Variants in GALNTL6 observed in about 807,000 individuals in gnomAD.
GALNTL6 encodes polypeptide N-acetylgalactosaminyltransferase-like 6.
In GALNTL6, 46 loss-of-function variants were observed where a neutral mutation model predicts 73.7. The observed-to-expected ratio is 0.62, with a 90% CI of 0.49 to 0.80. The LOEUF (loss-of-function observed/expected upper bound fraction) is 0.80. Ranked by LOEUF, GALNTL6 falls within the 30% of genes least tolerant of loss-of-function variation. GALNTL6 has a pLI of 0.00. For missense variants in GALNTL6, 604 were observed against 755.0 expected, an observed-to-expected ratio of 0.80 and a Z score of 2.34; for synonymous variants, 259 against 263.7, an observed-to-expected ratio of 0.98 and a Z score of 0.17.
At chr4:172,094,659 T>A (rs1453178029) in intron 2 of GALNTL6, among the ~76,000 whole-genome samples, 1 of 152,134 alleles carries the variant, frequency 6.6e-6, no homozygotes. Context: ...TGCTACCCAT[T>A]TGAACCATGG....
intron 2 of GALNTL6, among the ~76,000 whole-genome samples, chr4:172,057,727 A>AATATATATATAT (rs147660032): frequency 2.0e-4 from 9 of 46,152 alleles, no homozygotes; most frequent in South Asian, 9.2e-4. Flanking sequence ...AAAAAAAAAA[A>AATATATATATAT]ATATATATAT....
intron 2 of GALNTL6, among the ~76,000 whole-genome samples, chr4:171,903,958 A>C (rs1737191063): frequency 6.6e-6 from 1 of 152,164 alleles, no homozygotes; most frequent in Non-Finnish European, 1.5e-5. Context: ...GAAAACTAAC[A>C]AACAGAAAGG....
intron 8 of GALNTL6, among the ~76,000 whole-genome samples, chr4:172,902,833 G>C (rs531436569): frequency 6.6e-6 from 1 of 152,242 alleles, no homozygotes; most frequent in Non-Finnish European, 1.5e-5. Flanking sequence ...TCATTCAACA[G>C]ACATCTACTT....
chr4:172,822,388 G>A (rs1283776694), intron 7 of GALNTL6, among the ~76,000 whole-genome samples: 1 of 152,040 alleles, frequency 6.6e-6, no homozygotes, highest in Non-Finnish European at 1.5e-5. Context: ...TTTAAAAGAT[G>A]GTGAGACCTG....
intron 2 of GALNTL6, among the ~76,000 whole-genome samples, chr4:171,907,381 A>G (rs1737323730): frequency 6.6e-6 from 1 of 152,050 alleles, no homozygotes; most frequent in South Asian, 2.1e-4. Context: ...TCATGAGTGA[A>G]CTCCCATTCA....
At chr4:172,091,505 T>C (rs1732201788) in intron 2 of GALNTL6, among the ~76,000 whole-genome samples, 1 of 152,172 alleles carries the variant, frequency 6.6e-6, no homozygotes, top group Non-Finnish European at 1.5e-5. Flanking sequence ...ACATTTAAGG[T>C]ATCAGACCAG....
chr4:172,345,565 A>T (rs1741711739), intron 4 of GALNTL6, among the ~76,000 whole-genome samples: 1 of 152,204 alleles, frequency 6.6e-6, no homozygotes, highest in Non-Finnish European at 1.5e-5. Flanking sequence ...CTGAACATAA[A>T]TAAGAGTGTT....
chr4:172,125,504 C>T (rs7693499), intron 2 of GALNTL6, among the ~76,000 whole-genome samples: 69,179 of 151,946 alleles, frequency 0.46, 16,619 homozygotes, highest in African/African-American at 0.6. Flanking sequence ...ATTTTTAATA[C>T]CAAAGCTCAG....
chr4:172,006,369 T>C (rs1304604194), intron 2 of GALNTL6, among the ~76,000 whole-genome samples: 1 of 152,186 alleles, frequency 6.6e-6, no homozygotes, highest in African/African-American at 2.4e-5. Context: ...GGCTCTTGCC[T>C]GTAATCCTAG....
chr4:172,349,590 G>T (rs368100597), intron 5 of GALNTL6, among the ~76,000 whole-genome samples: 3 of 152,072 alleles, frequency 2.0e-5, no homozygotes, highest in African/African-American at 7.2e-5. Flanking sequence ...AGACTGCTTG[G>T]TGTGCTAATT....
At chr4:172,628,459 C>T (rs1423053896) in intron 5 of GALNTL6, among the ~76,000 whole-genome samples, 1 of 151,802 alleles carries the variant, frequency 6.6e-6, no homozygotes, top group Non-Finnish European at 1.5e-5. Context: ...AGGCTGGGCA[C>T]GATGACTCAT....
intron 5 of GALNTL6, among the ~76,000 whole-genome samples, chr4:172,424,229 A>G (rs1731150947): frequency 6.6e-6 from 1 of 152,044 alleles, no homozygotes; most frequent in African/African-American, 2.4e-5. Context: ...TATTTTTTAA[A>G]TTTTATTTAT....
intron 5 of GALNTL6, among the ~76,000 whole-genome samples, chr4:172,778,024 A>C (rs1188497146): frequency 6.6e-6 from 1 of 152,272 alleles, no homozygotes; most frequent in Admixed American, 6.5e-5. Context: ...CTAAGCATAA[A>C]GCCTCTTCGT....
chr4:172,462,258 C>T (rs1732646847), intron 5 of GALNTL6, among the ~76,000 whole-genome samples: 1 of 152,152 alleles, frequency 6.6e-6, no homozygotes, highest in Non-Finnish European at 1.5e-5. Context: ...TTATCTATAT[C>T]TATACCTATA....
At chr4:172,223,417 A>C (rs543543095) in intron 2 of GALNTL6, among the ~76,000 whole-genome samples, 14 of 152,202 alleles carry the variant, frequency 9.2e-5, no homozygotes, top group Admixed American at 9.2e-4. Flanking sequence ...AAGGAAAGAG[A>C]TATTAGAAGA....
intron 3 of GALNTL6, among the ~76,000 whole-genome samples, chr4:172,242,380 T>C (rs1188912375): frequency 2.0e-5 from 3 of 152,148 alleles, no homozygotes; most frequent in Non-Finnish European, 2.9e-5. Context: ...ATCACTGATA[T>C]GTTTTCTAGA....
intron 2 of GALNTL6, among the ~76,000 whole-genome samples, chr4:172,122,656 T>G (rs1483385902): frequency 6.6e-6 from 1 of 152,194 alleles, no homozygotes; most frequent in Non-Finnish European, 1.5e-5. Flanking sequence ...GAAAAGCCCC[T>G]AACTCAGTTA....
At chr4:172,305,078 A>T (rs1008596666) in intron 3 of GALNTL6, among the ~76,000 whole-genome samples, 1 of 151,988 alleles carries the variant, frequency 6.6e-6, no homozygotes, top group Non-Finnish European at 1.5e-5. Flanking sequence ...AGCTGTTTGG[A>T]TAGGGGTTAT....
At position 172,812,608 on chromosome 4, in the gene GALNTL6, G is replaced by GA. The variant is rs375642954; in HGVS notation, c.740-918dup. ...CACAGGAAAGGAAGGTGTTGGAACT[G>GA]AAAAAAAAAAAAAATCACCTCTCTG... On this transcript the variant is annotated intron_variant, in intron 6 of 12. Transcript: ENST00000506823. Among the ~76,000 whole-genome samples the GA allele has an allele frequency of 8.2e-3, 1,113 of 136,002 alleles. 11 individuals are homozygous for GA. Among genetic ancestry groups the GA allele is most frequent in the East Asian group, 0.025 (119 of 4,716 alleles). The allele number at this position is 136,002 out of a possible 152,430, so 89.2% of individuals were successfully genotyped here.
Sources: gnomAD v4.1 joint callset for allele counts (sites outside exome capture counted in the v4.1 genomes callset) on GRCh38, gnomAD v4.1.1 for gene constraint, MANE v1.5 for transcripts, NCBI Gene and HGNC (gene_info 2026-07-23, HGNC 2026-07-21) for gene names.